Variants in PPP1R17 observed in about 807,000 individuals in gnomAD.
PPP1R17 encodes G-substrate.
In PPP1R17, 12 loss-of-function variants were observed where a neutral mutation model predicts 15.9. The ratio of observed to expected loss-of-function variants is 0.75; its 90% CI spans 0.48 to 1.22. PPP1R17 has a LOEUF of 1.22. PPP1R17 is among the 50% of genes most tolerant of loss of function. The probability of loss-of-function intolerance (pLI) is 0.00; values close to 1 mark genes in which losing one functional copy is unlikely to be tolerated. For synonymous variants in PPP1R17, 63 were observed against 64.5 expected (o/e 0.98, Z 0.11); for missense variants, 211 against 187.3 (o/e 1.13, Z -0.74).
At position 31,705,986 on chromosome 7, in the gene PPP1R17, A is replaced by ATTTTTTTTTTTT. The variant is rs550189867; in HGVS notation, c.389-1193_389-1182dup. Among the ~76,000 whole-genome samples the ATTTTTTTTTTTT allele has an allele frequency of 1.5e-4, 8 of 52,514 alleles. 1 individual carries two copies. The highest frequency in any genetic ancestry group is 3.8e-4 in the African/African-American group (5 of 13,282). The allele number at this position is 52,514 out of a possible 152,430, so 34.5% of individuals were successfully genotyped here. A position where few individuals can be genotyped will look rare whatever the true frequency, so the allele number is the denominator to read the frequency against. On this transcript the variant is annotated intron_variant, in intron 4 of 4. Transcript: ENST00000342032. ...GACTTCTGAATTTCACAGACCAGTAATTTTTTTTTTTTTTTTTTTTTTTTT... is the reference window on the plus strand; with the variant it reads ...GACTTCTGAATTTCACAGACCAGTAATTTTTTTTTTTTTTTTTTTTTTTTTTTTTTTTTTTTT...
At chr7:31,696,501 G>C (rs1350693926) in intron 3 of PPP1R17, among the ~76,000 whole-genome samples, 1 of 152,188 alleles carries the variant, frequency 6.6e-6, no homozygotes, top group East Asian at 1.9e-4. Context: ...AAATTTCACT[G>C]TAGCATAGAG....
chr7:31,695,353 T>C, intron 2 of PPP1R17, 116 bp from the exon 3 acceptor site: 1 of 914,302 alleles, frequency 1.1e-6, no homozygotes, highest in Admixed American at 2.8e-5. Flanking sequence ...ACACTTTTCC[T>C]TTTCAGGCCA....
chr7:31,707,222 ACG>A lies in PPP1R17; in HGVS notation c.408_409del (p.Asp136GlufsTer10). 6.2e-7 allele frequency: 1 copy of A among 1,613,966 alleles called. No individual in the cohort carries two copies. Among genetic ancestry groups the A allele is most frequent in the East Asian group, 2.2e-5 (1 of 44,876 alleles). ...TTTGCAGGTGTGACATTGCTCAGGG[ACG>A]AGAGACCCAAAGCAATCGTGGAAGA... is the stretch of plus-strand genomic sequence containing the variant. On this transcript the variant is annotated frameshift_variant, in exon 5 of 5. Transcript: ENST00000342032. LOFTEE classifies it high-confidence loss of function.
intron 4 of PPP1R17, among the ~76,000 whole-genome samples, chr7:31,701,304 G>T (rs1011151856): frequency 6.6e-6 from 1 of 152,166 alleles, no homozygotes; most frequent in African/African-American, 2.4e-5. Flanking sequence ...TTCAGTGGAG[G>T]ACGTAACTGC....
intron 1 of PPP1R17, 21 bp from the exon 2 acceptor site, chr7:31,692,385 C>T (rs888326476): frequency 1.4e-6 from 2 of 1,381,826 alleles, no homozygotes; most frequent in East Asian, 2.3e-5. Flanking sequence ...TACTTATTAA[C>T]TGTTTTTTAT....
rs1399000483 is a variant in PPP1R17 at position 31,708,330 on chromosome 7, T to G, written c.*1047T>G. 1 of 152,346 alleles carries G rather than the reference T, an allele frequency of 6.6e-6. No homozygotes were observed. Among genetic ancestry groups the G allele is most frequent in the East Asian group, 1.9e-4 (1 of 5,186 alleles). The allele number at this position is 152,346 out of a possible 1,614,324, so 9.4% of individuals were successfully genotyped here. On this transcript the variant is annotated 3_prime_UTR_variant, in exon 5 of 5. Transcript: ENST00000342032. ...AAGTAGATACGCAAATTGTCACAAC[T>G]AAGAGTGATAATTTGGTAGCTCTGT...
At chr7:31,703,970 G>A (rs1211727812) in intron 4 of PPP1R17, among the ~76,000 whole-genome samples, 1 of 152,184 alleles carries the variant, frequency 6.6e-6, no homozygotes, top group Non-Finnish European at 1.5e-5. Flanking sequence ...CTGCATGGCA[G>A]AAAGCATTGG....
chr7:31,700,965 T>G (rs1313455886), intron 4 of PPP1R17, among the ~76,000 whole-genome samples: 2 of 152,202 alleles, frequency 1.3e-5, no homozygotes, highest in Non-Finnish European at 2.9e-5. Context: ...ACCCAAGAGC[T>G]CTGATGGAGG....
chr7:31,689,791 T>C lies in PPP1R17; in HGVS notation c.-37+2485T>C, dbSNP rs547443005. 1.1e-4 allele frequency among the ~76,000 whole-genome samples: 16 copies of C among 152,356 alleles called. 1 individual carries two copies. In the South Asian group the frequency reaches 2.7e-3, roughly 26 times the overall value. On this transcript the variant is annotated intron_variant, in intron 1 of 4. Transcript: ENST00000342032. ...AAGAAGTCCGTAATGACATCATTCA[T>C]GATAAAAGTATCTTCTAACCCCATG...
chr7:31,687,375 G>A (rs1490315756), intron 1 of PPP1R17, 69 bp downstream of exon 1: 2 of 152,306 alleles, frequency 1.3e-5, no homozygotes, highest in East Asian at 3.9e-4. Flanking sequence ...TCAGTTACTG[G>A]GACAAAGAAG....
In PPP1R17 at chr7:31,687,262, C is replaced by T. The variant is rs1792138070; in HGVS notation, c.-81C>T. The T allele has an allele frequency of 6.6e-6, 1 of 152,338 alleles. No homozygotes were observed. The highest frequency in any genetic ancestry group is 2.1e-4 in the South Asian group (1 of 4,832). 9.4% of individuals were successfully genotyped at this position (152,338 alleles called of 1,614,324 possible). ...GGCCCAGCCTCGGTGAGCACACACG[C>T]CCTCCCTGTCTCTCGCCTTCGCTTC... On this transcript the variant is annotated 5_prime_UTR_variant, in exon 1 of 5. Coordinates refer to ENST00000342032, the MANE Select transcript of PPP1R17 (RefSeq NM_006658.5).
chr7:31,691,121 C>T (rs912553100), intron 1 of PPP1R17, among the ~76,000 whole-genome samples: 4 of 152,170 alleles, frequency 2.6e-5, no homozygotes, highest in African/African-American at 9.7e-5. Flanking sequence ...GAATTGATTT[C>T]TTCTGAAGTC....
At chr7:31,705,971 T>A (rs1793049591) in intron 4 of PPP1R17, among the ~76,000 whole-genome samples, 1 of 149,582 alleles carries the variant, frequency 6.7e-6, no homozygotes, top group Admixed American at 6.7e-5. Context: ...GACTTCTGAA[T>A]TTCACAGACC....
chr7:31,687,850 T>C (rs2128236171), intron 1 of PPP1R17, among the ~76,000 whole-genome samples: 1 of 152,348 alleles, frequency 6.6e-6, no homozygotes, highest in Non-Finnish European at 1.5e-5. Flanking sequence ...CCTTCTACCC[T>C]TTTATTCCAT....
chr7:31,690,310 C>A (rs1792286491), intron 1 of PPP1R17, among the ~76,000 whole-genome samples: 1 of 152,222 alleles, frequency 6.6e-6, no homozygotes, highest in Non-Finnish European at 1.5e-5. Flanking sequence ...AAGCATGCAG[C>A]TATGCTATTT....
chr7:31,700,346 G>A lies in PPP1R17; in HGVS notation c.388+3229G>A, dbSNP rs558803617. On this transcript the variant is annotated intron_variant, in intron 4 of 4. Transcript: ENST00000342032. ...AGCCATAACCCTTCCTTAAGCCAAA[G>A]CCTAATCCAGAACAAGGTCCTTACT... 2.0e-5 allele frequency among the ~76,000 whole-genome samples: 3 copies of A among 152,260 alleles called. No individual in the cohort carries two copies. The East Asian group carries it at 5.8e-4, about 29-fold the overall frequency.
At chr7:31,692,916 C>G (rs1024576317) in intron 2 of PPP1R17, among the ~76,000 whole-genome samples, 2 of 152,198 alleles carry the variant, frequency 1.3e-5, no homozygotes, top group Admixed American at 6.5e-5. Context: ...TTTCAAATAT[C>G]TCTCTTTGCC....
chr7:31,698,528 T>C (rs1243882746), intron 4 of PPP1R17, among the ~76,000 whole-genome samples: 2 of 152,212 alleles, frequency 1.3e-5, no homozygotes, highest in African/African-American at 2.4e-5. Flanking sequence ...ACTGACTACA[T>C]GCAAGCTTCT....
intron 4 of PPP1R17, 59 bp downstream of exon 4, chr7:31,697,176 C>G: frequency 6.3e-7 from 1 of 1,583,008 alleles, no homozygotes; most frequent in Non-Finnish European, 8.6e-7. Flanking sequence ...AAGAACCTTA[C>G]CATCTGGAGG....
Sources: gnomAD v4.1 joint callset for allele counts (sites outside exome capture counted in the v4.1 genomes callset) on GRCh38, gnomAD v4.1.1 for gene constraint, MANE v1.5 for transcripts, NCBI Gene and HGNC (gene_info 2026-07-23, HGNC 2026-07-21) for gene names.